Variants in RPS6KA3 observed in about 807,000 individuals in gnomAD.
RPS6KA3 encodes ribosomal protein S6 kinase A3.
RPS6KA3 carries 4 observed loss-of-function variants against 67.2 expected under a neutral mutation model. The observed-to-expected ratio is 0.06, with a 90% CI of 0.03 to 0.14. The LOEUF (loss-of-function observed/expected upper bound fraction) is 0.14, where lower values mean the gene tolerates loss of function less well. RPS6KA3 is among the 10% of genes least tolerant of loss of function. The pLI is 1.00. For synonymous variants in RPS6KA3, 182 were observed against 183.7 expected, an observed-to-expected ratio of 0.99 and a Z score of 0.07; for missense variants, 204 against 559.0, an observed-to-expected ratio of 0.36 and a Z score of 6.40.
chrX:20,173,488 G>A (rs1314116846), intron 14 of RPS6KA3, among the ~76,000 whole-genome samples: 2 of 112,120 alleles, frequency 1.8e-5, no homozygotes, highest in Non-Finnish European at 3.8e-5. Context: ...CTCGTCATGG[G>A]TTAGGGACTA....
intron 2 of RPS6KA3, among the ~76,000 whole-genome samples, chrX:20,222,322 C>T (rs761331598): frequency 1.8e-5 from 2 of 111,544 alleles, no homozygotes; most frequent in Non-Finnish European, 3.8e-5. Flanking sequence ...GGCCTTAGAC[C>T]CAAGAAATTT....
intron 11 of RPS6KA3, among the ~76,000 whole-genome samples, 164 bp from the exon 12 acceptor site, chrX:20,176,662 G>A (rs1248314549): frequency 9.0e-6 from 1 of 110,979 alleles, no homozygotes; most frequent in African/African-American, 3.3e-5. Flanking sequence ...TGTGATCTCA[G>A]TTCACTGCAG....
intron 3 of RPS6KA3, among the ~76,000 whole-genome samples, chrX:20,205,327 G>A (rs1403163063): frequency 8.9e-6 from 1 of 112,720 alleles, no homozygotes; most frequent in East Asian, 2.8e-4. Context: ...CAGGTGGGAA[G>A]AAGAGAAGCA....
At chrX:20,188,984 G>C (rs1294908507) in intron 7 of RPS6KA3, among the ~76,000 whole-genome samples, 1 of 112,007 alleles carries the variant, frequency 8.9e-6, no homozygotes, top group Non-Finnish European at 1.9e-5. Context: ...ATGTTGCCCA[G>C]GCAGGTCTTG....
intron 1 of RPS6KA3, among the ~76,000 whole-genome samples, chrX:20,252,210 T>C (rs1262606929): frequency 8.9e-6 from 1 of 111,945 alleles, no homozygotes; most frequent in Non-Finnish European, 1.9e-5. Context: ...TTCAAGAGTG[T>C]TTGTGATTGC....
In RPS6KA3 at chrX:20,169,454, A is replaced by G; in HGVS notation, c.1391T>C (p.Ile464Thr). 8.4e-7 allele frequency: 1 copy of G among 1,193,892 alleles called. No homozygotes were observed. Among genetic ancestry groups the G allele is most frequent in the Non-Finnish European group, 1.1e-6 (1 of 878,966 alleles). ...CTGTCCATAACGAAGAAGAATTTCA[A>G]TTTCTTCTGTTGGGTCTCTCTTGCT... is the stretch of plus-strand genomic sequence containing the variant. Reference protein sequence around the residue: ...DKSKRDPTEEIEILLRYGQHP... With the variant: ...DKSKRDPTEETEILLRYGQHP... Residue 464 changes from isoleucine to threonine, a missense_variant, in exon 16 of 22, where the codon ATT becomes ACT. Ile to Thr is a moderately conservative substitution (Grantham distance 89). Around this residue, in one of 4 missense-constraint regions of RPS6KA3, gnomAD observed 73 missense variants for 241.1 expected, o/e 0.30. Transcript: ENST00000379565.
At chrX:20,229,227 C>T (rs1019935623) in intron 2 of RPS6KA3, among the ~76,000 whole-genome samples, 10 of 111,292 alleles carry the variant, frequency 9.0e-5, no homozygotes, top group Non-Finnish European at 1.9e-4. Context: ...TTATTATCCA[C>T]CTTCTCTACT....
chrX:20,250,227 C>T (rs1178531608), intron 1 of RPS6KA3, among the ~76,000 whole-genome samples: 3 of 111,784 alleles, frequency 2.7e-5, no homozygotes, highest in Non-Finnish European at 5.6e-5. Flanking sequence ...CTTGCTCTGT[C>T]ACCCAGGCTG....
intron 9 of RPS6KA3, 61 bp from the exon 10 acceptor site, chrX:20,186,427 AG>A: frequency 9.0e-6 from 6 of 669,738 alleles, no homozygotes; most frequent in Non-Finnish European, 1.4e-5. Flanking sequence ...GAAGGCCAGA[AG>A]GTAAAAAAAA....
intron 1 of RPS6KA3, among the ~76,000 whole-genome samples, chrX:20,262,079 CCAT>C (rs1302459311): frequency 8.9e-6 from 1 of 111,745 alleles, no homozygotes; most frequent in Admixed American, 9.5e-5. Context: ...GAGACCACCA[CCAT>C]GTCAGTGTGT....
intron 1 of RPS6KA3, among the ~76,000 whole-genome samples, chrX:20,249,603 G>A (rs2069805184): frequency 8.9e-6 from 1 of 112,030 alleles, no homozygotes; most frequent in Non-Finnish European, 1.9e-5. Flanking sequence ...CTTTGGTGAA[G>A]TGTCTGTTCA....
intron 1 of RPS6KA3, among the ~76,000 whole-genome samples, chrX:20,247,991 G>T (rs906114841): frequency 1.0e-4 from 11 of 110,312 alleles, no homozygotes; most frequent in African/African-American, 3.6e-4. Context: ...TCTTCATTTA[G>T]GTCTTGTCCT....
rs969872762 is a variant in RPS6KA3, at chrX:20,152,946, G to A, written c.*2452C>T. On this transcript the variant is annotated 3_prime_UTR_variant, in exon 22 of 22. Coordinates refer to ENST00000379565, the MANE Select transcript of RPS6KA3 (RefSeq NM_004586.3). ...GAAAGGCAGCATGGTGTGATGAGGC[G>A]GAAAAAAACAAAATGGGGAGAAGTT... 7.2e-5 allele frequency: 8 copies of A among 110,929 alleles called. No individual in the cohort carries two copies. Among genetic ancestry groups the A allele is most frequent in the Admixed American group, 1.9e-4 (2 of 10,417 alleles). 9.1% of individuals were successfully genotyped at this position (110,929 alleles called of 1,213,427 possible).
At position 20,155,010 on chromosome X, in the gene RPS6KA3, T is replaced by G. The variant is rs769272492; in HGVS notation, c.*388A>C. 3 of 238,661 alleles carry G rather than the reference T, an allele frequency of 1.3e-5. No homozygotes were observed. The highest frequency in any genetic ancestry group is 2.3e-5 in the Non-Finnish European group (3 of 128,919). The allele number at this position is 238,661 out of a possible 1,213,427, so 19.7% of individuals were successfully genotyped here. ...TAAACGGATTGTTTAAGCTAAGTGC[T>G]TAACATAAACTGTCCATCCCTATAA... is the stretch of plus-strand genomic sequence containing the variant. On this transcript the variant is annotated 3_prime_UTR_variant, in exon 22 of 22. Coordinates refer to ENST00000379565, the MANE Select transcript of RPS6KA3 (RefSeq NM_004586.3).
intron 4 of RPS6KA3, among the ~76,000 whole-genome samples, chrX:20,199,138 G>A (rs1282593468): frequency 9.0e-6 from 1 of 110,857 alleles, no homozygotes; most frequent in Non-Finnish European, 1.9e-5. Context: ...CCAAAGTGCT[G>A]GGATTACAGG....
At chrX:20,265,323 C>G (rs1429549354) in intron 1 of RPS6KA3, among the ~76,000 whole-genome samples, 1 of 111,659 alleles carries the variant, frequency 9.0e-6, no homozygotes, top group Non-Finnish European at 1.9e-5. Flanking sequence ...GCAAGTGTCC[C>G]GCATCTCAAG....
At chrX:20,219,526 A>G (rs1035985666) in intron 2 of RPS6KA3, among the ~76,000 whole-genome samples, 4 of 112,008 alleles carry the variant, frequency 3.6e-5, no homozygotes, top group African/African-American at 1.3e-4. Context: ...CATAAGCATT[A>G]ATTATCAACC....
In RPS6KA3 at chrX:20,186,550, G is replaced by A. The variant is rs147597768; in HGVS notation, c.775-184C>T. On this transcript the variant is annotated intron_variant, in intron 9 of 21. Coordinates refer to ENST00000379565, the MANE Select transcript of RPS6KA3 (RefSeq NM_004586.3). Reference sequence around the variant, plus strand: ...GTTCTTGATAATTCCTAAAACAACTGAGCTATACAGTTTTTTTTTTTTTGT... The same window carrying A: ...GTTCTTGATAATTCCTAAAACAACTAAGCTATACAGTTTTTTTTTTTTTGT... Among the ~76,000 whole-genome samples the A allele has an allele frequency of 3.1e-3, 333 of 109,087 alleles. 3 individuals are homozygous for A. Among genetic ancestry groups the A allele is most frequent in the African/African-American group, 0.011 (323 of 29,920 alleles). 94.7% of individuals were successfully genotyped at this position (109,087 alleles called of 115,157 possible). A position where few individuals can be genotyped will look rare whatever the true frequency, so the allele number is the denominator to read the frequency against.
chrX:20,179,730 T>C (rs1603423150), intron 10 of RPS6KA3, among the ~76,000 whole-genome samples: 1 of 111,494 alleles, frequency 9.0e-6, no homozygotes, highest in African/African-American at 3.3e-5. Flanking sequence ...TAAATCATCA[T>C]AGTTGATGAG....
Sources: allele counts gnomAD v4.1 joint callset (sites outside exome capture counted in the v4.1 genomes callset), GRCh38; gene constraint gnomAD v4.1.1; regional missense constraint gnomAD v4.1.1; transcripts MANE v1.5; gene names NCBI Gene and HGNC (gene_info 2026-07-23, HGNC 2026-07-21).